The following DCUN1D4 variants were observed in gnomAD, a reference collection of about 807,000 sequenced individuals.
The protein encoded by DCUN1D4 is defective in cullin neddylation 1 domain containing 4.
A neutral mutation model predicts 47.9 loss-of-function variants in DCUN1D4; 22 were observed. The ratio of observed to expected loss-of-function variants is 0.46; its 90% CI spans 0.33 to 0.66. DCUN1D4 has a LOEUF of 0.66. Ranked by LOEUF, DCUN1D4 falls within the 30% of genes least tolerant of loss-of-function variation. The pLI is 0.02. For missense variants in DCUN1D4, 301 were observed against 340.8 expected (o/e 0.88, Z 0.92); for synonymous variants, 121 against 112.2 (o/e 1.08, Z -0.50).
At chr4:51,891,342 T>A (rs1730397768) in intron 6 of DCUN1D4, among the ~76,000 whole-genome samples, 1 of 152,228 alleles carries the variant, frequency 6.6e-6, no homozygotes. Flanking sequence ...TTTGGTTGTT[T>A]TCAGTCTTTA....
chr4:51,874,335 A>G lies in DCUN1D4; in HGVS notation c.201A>G (p.Arg67=). Residue 67 remains arginine, a synonymous_variant, in exon 4 of 11, where the codon AGA becomes AGG. Transcript: ENST00000334635. ...AAGTGATGCCACCAAGGAAAAAGAG[A>G]AGACCTGCCTCTGGAGATGATTTAT... The part of the protein sequence containing the change: ...FNKVMPPRKK[R]RPASGDDLSA... The G allele has an allele frequency of 5.0e-6, 8 of 1,613,912 alleles. No individual in the cohort carries two copies. The highest frequency in any genetic ancestry group is 6.8e-6 in the Non-Finnish European group (8 of 1,179,920).
chr4:51,841,306 T>G (rs1312342103), upstream of DCUN1D4, among the ~76,000 whole-genome samples: 2 of 152,146 alleles, frequency 1.3e-5, no homozygotes, highest in Admixed American at 1.3e-4. Context: ...GACATATAAT[T>G]TATTATTTCC....
intron 1 of DCUN1D4, among the ~76,000 whole-genome samples, chr4:51,844,028 G>C (rs1327039629): frequency 6.6e-6 from 1 of 150,448 alleles, no homozygotes; most frequent in Non-Finnish European, 1.5e-5. Flanking sequence ...AAGAGATGGG[G>C]CAGGTGTGGA....
intron 6 of DCUN1D4, among the ~76,000 whole-genome samples, chr4:51,887,489 G>A (rs1286456882): frequency 6.6e-6 from 1 of 152,066 alleles, no homozygotes; most frequent in Non-Finnish European, 1.5e-5. Flanking sequence ...CTAATTCTTA[G>A]CATGTTATTG....
the DCUN1D4 span, among the ~76,000 whole-genome samples, chr4:51,837,609 C>T: frequency 2.5e-5 from 3 of 122,198 alleles, no homozygotes; most frequent in East Asian, 8.3e-4. Flanking sequence ...GAGCGGAGAT[C>T]GCGCCACAGC....
intron 5 of DCUN1D4, among the ~76,000 whole-genome samples, chr4:51,881,885 G>A (rs1728695362): frequency 6.6e-6 from 1 of 152,044 alleles, no homozygotes; most frequent in Non-Finnish European, 1.5e-5. Context: ...AAAAGTGTTA[G>A]GGCTGGGTGC....
At chr4:51,896,131 G>A (rs927128466) in intron 7 of DCUN1D4, among the ~76,000 whole-genome samples, 1 of 152,138 alleles carries the variant, frequency 6.6e-6, no homozygotes, top group African/African-American at 2.4e-5. Context: ...CCCAACCCCA[G>A]GTTTTTAATG....
intron 1 of DCUN1D4, chr4:51,848,320 C>T: frequency 7.8e-7 from 1 of 1,286,982 alleles, no homozygotes; most frequent in South Asian, 1.2e-5. Context: ...CGTTTCTGGT[C>T]TCTCGTGTCA....
chr4:51,834,109 T>C, the DCUN1D4 span, among the ~76,000 whole-genome samples: 2 of 126,656 alleles, frequency 1.6e-5, no homozygotes. Context: ...CTTTCTTTTT[T>C]TTTTCTTTTT....
the DCUN1D4 span, among the ~76,000 whole-genome samples, chr4:51,834,156 A>G: frequency 1.7e-5 from 2 of 114,712 alleles, no homozygotes. Context: ...AAGGGGTAAT[A>G]TCTTAACTCA....
In DCUN1D4 at chr4:51,898,789, G is replaced by A. The variant is rs59416543; in HGVS notation, c.507-481G>A. 4.1e-4 allele frequency among the ~76,000 whole-genome samples: 62 copies of A among 152,312 alleles called. No homozygotes were observed. In the East Asian group the frequency reaches 7.5e-3, roughly 18 times the overall value. ...GCAGAGAACTCTTCTAGAGACTAAG[G>A]AAATATGACAGCTAAAAGCAGCGCA... On this transcript the variant is annotated intron_variant, in intron 7 of 10. Coordinates refer to ENST00000334635, the MANE Select transcript of DCUN1D4 (RefSeq NM_001040402.3).
At chr4:51,849,774 A>G (rs6837103) in intron 1 of DCUN1D4, among the ~76,000 whole-genome samples, 66,476 of 151,658 alleles carry the variant, frequency 0.44, 16,878 homozygotes, top group Non-Finnish European at 0.57. Flanking sequence ...AGGAGCTAAT[A>G]CATAACTCCT....
At chr4:51,848,246 A>G in intron 1 of DCUN1D4, 1 of 1,289,388 alleles carries the variant, frequency 7.8e-7, no homozygotes, top group South Asian at 1.2e-5. Context: ...ATTCTCAAGG[A>G]AAGAGTAAAA....
intron 3 of DCUN1D4, among the ~76,000 whole-genome samples, chr4:51,873,698 A>T (rs1464603200): frequency 6.6e-6 from 1 of 152,262 alleles, no homozygotes; most frequent in Non-Finnish European, 1.5e-5. Flanking sequence ...CCTAACTGAA[A>T]ACCCTGACTG....
At chr4:51,838,803 C>T (rs768344216), upstream of DCUN1D4, among the ~76,000 whole-genome samples, 5 of 152,208 alleles carry the variant, frequency 3.3e-5, no homozygotes, top group East Asian at 3.9e-4. Context: ...TGGCCAGGTG[C>T]GGTGGCTCAT....
intron 7 of DCUN1D4, among the ~76,000 whole-genome samples, chr4:51,892,144 A>T (rs981617850): frequency 1.3e-5 from 2 of 152,254 alleles, no homozygotes. Context: ...AGCCACCTCT[A>T]TGTAACTTAA....
chr4:51,913,239 C>T, intron 9 of DCUN1D4, 51 bp from the exon 10 acceptor site: 1 of 1,152,602 alleles, frequency 8.7e-7, no homozygotes, highest in Non-Finnish European at 1.3e-6. Context: ...GAAACCGTCC[C>T]ATTTGTTCAT....
At chr4:51,865,059 T>G (rs757111183) in intron 3 of DCUN1D4, 1 of 226,370 alleles carries the variant, frequency 4.4e-6, no homozygotes, top group African/African-American at 2.3e-5. Context: ...TTTAATTCTT[T>G]CCAGTGGAAC....
chr4:51,844,643 C>T (rs1237010981), intron 1 of DCUN1D4, among the ~76,000 whole-genome samples: 1 of 151,674 alleles, frequency 6.6e-6, no homozygotes, highest in East Asian at 2.0e-4. Context: ...GAGGGATGGC[C>T]GGGCCCTAGG....
Sources: allele counts gnomAD v4.1 joint callset (sites outside exome capture counted in the v4.1 genomes callset), GRCh38; gene constraint gnomAD v4.1.1; transcripts MANE v1.5; gene names NCBI Gene and HGNC (gene_info 2026-07-23, HGNC 2026-07-21).